The following MIPOL1 variants were observed in gnomAD, a reference collection of about 807,000 sequenced individuals.
MIPOL1 encodes mirror-image polydactyly 1.
A neutral mutation model predicts 60.9 loss-of-function variants in MIPOL1; 57 were observed. The observed-to-expected ratio is 0.94, with a 90% CI of 0.76 to 1.17. The LOEUF is 1.17. MIPOL1 is among the 50% of genes most tolerant of loss of function. The pLI, the probability that MIPOL1 is intolerant of heterozygous loss-of-function variation, is 0.00. For synonymous variants in MIPOL1, 179 were observed against 168.8 expected (o/e 1.06, Z -0.47); for missense variants, 551 against 511.6 (o/e 1.08, Z -0.74).
At chr14:37,236,239 T>G (rs1035354571) in intron 1 of MIPOL1, among the ~76,000 whole-genome samples, 2 of 152,024 alleles carry the variant, frequency 1.3e-5, no homozygotes, top group African/African-American at 4.8e-5. Context: ...AATTTTTTGA[T>G]AATAGTCATC....
chr14:37,230,920 G>T (rs753662650), intron 1 of MIPOL1, among the ~76,000 whole-genome samples: 5 of 151,774 alleles, frequency 3.3e-5, no homozygotes, highest in Non-Finnish European at 7.4e-5. Flanking sequence ...TGTAACTAGA[G>T]GCAAAATATA....
intron 11 of MIPOL1, among the ~76,000 whole-genome samples, chr14:37,485,588 G>T (rs987069994): frequency 6.6e-6 from 1 of 152,144 alleles, no homozygotes; most frequent in African/African-American, 2.4e-5. Context: ...GACCAGTGAT[G>T]ATGAGATTTT....
rs964168952 is a variant in MIPOL1 at position 37,298,426 on chromosome 14, G to A, written c.624-9630G>A. 3.3e-5 allele frequency among the ~76,000 whole-genome samples: 5 copies of A among 152,152 alleles called. No homozygotes were observed. In the East Asian group the frequency reaches 5.8e-4, roughly 18 times the overall value. On this transcript the variant is annotated intron_variant, in intron 7 of 12. Coordinates refer to ENST00000684589, the MANE Select transcript of MIPOL1 (RefSeq NM_001388067.1). ...CATGTTTAAAACACCAAAAGCAATG[G>A]CAACAAAAGCCAAAATTGACAAATG...
intron 1 of MIPOL1, among the ~76,000 whole-genome samples, chr14:37,206,138 T>C (rs1244590793): frequency 6.6e-6 from 1 of 152,134 alleles, no homozygotes. Context: ...GAGGTCTTCA[T>C]GGCAGCCCCT....
At chr14:37,498,368 G>C (rs943938579) in intron 11 of MIPOL1, among the ~76,000 whole-genome samples, 1 of 152,080 alleles carries the variant, frequency 6.6e-6, no homozygotes, top group Non-Finnish European at 1.5e-5. Context: ...ACATAAACAA[G>C]TACCTTTTTT....
At chr14:37,308,928 A>G (rs2087032562) in intron 9 of MIPOL1, among the ~76,000 whole-genome samples, 1 of 151,900 alleles carries the variant, frequency 6.6e-6, no homozygotes, top group Non-Finnish European at 1.5e-5. Flanking sequence ...ACCTTGATTA[A>G]TGGATCAAAA....
chr14:37,442,296 A>G (rs970564986), intron 11 of MIPOL1, among the ~76,000 whole-genome samples: 1 of 152,086 alleles, frequency 6.6e-6, no homozygotes, highest in East Asian at 1.9e-4. Flanking sequence ...TATTTTAGGT[A>G]TAAAATCATA....
At chr14:37,376,408 T>C (rs972572972) in intron 10 of MIPOL1, among the ~76,000 whole-genome samples, 5 of 152,192 alleles carry the variant, frequency 3.3e-5, no homozygotes, top group Admixed American at 2.6e-4. Flanking sequence ...GTTGGAATTA[T>C]AGAATATGTG....
intron 10 of MIPOL1, among the ~76,000 whole-genome samples, chr14:37,416,901 T>C (rs534321490): frequency 5.9e-5 from 9 of 152,318 alleles, no homozygotes; most frequent in African/African-American, 2.2e-4. Context: ...TGCTGAGCGA[T>C]CCAGCTAGTT....
chr14:37,463,013 C>A (rs2094557646), intron 11 of MIPOL1, among the ~76,000 whole-genome samples: 1 of 152,090 alleles, frequency 6.6e-6, no homozygotes, highest in South Asian at 2.1e-4. Flanking sequence ...CTACTGGTAC[C>A]AAATTACTGT....
intron 6 of MIPOL1, among the ~76,000 whole-genome samples, chr14:37,281,205 C>G (rs2084078707): frequency 1.3e-5 from 2 of 152,060 alleles, no homozygotes; most frequent in South Asian, 4.1e-4. Flanking sequence ...GAGATGATGC[C>G]TATTTTTATT....
chr14:37,275,928 CT>C (rs1276805106), intron 6 of MIPOL1, among the ~76,000 whole-genome samples: 1 of 151,120 alleles, frequency 6.6e-6, no homozygotes, highest in Non-Finnish European at 1.5e-5. Flanking sequence ...TGCTGTTTGA[CT>C]TTTGCAGACA....
intron 10 of MIPOL1, among the ~76,000 whole-genome samples, chr14:37,392,143 C>T (rs1474564266): frequency 1.3e-5 from 2 of 151,758 alleles, no homozygotes; most frequent in Non-Finnish European, 2.9e-5. Context: ...AAAAAAAATC[C>T]AGTTGGGCTT....
intron 6 of MIPOL1, among the ~76,000 whole-genome samples, chr14:37,282,238 A>ATTAT (rs2084167384): frequency 1.4e-5 from 2 of 146,396 alleles, no homozygotes; most frequent in Admixed American, 6.9e-5. Context: ...TATTGCAGTA[A>ATTAT]TATTATTATT....
At chr14:37,228,843 G>A (rs572963026) in intron 1 of MIPOL1, among the ~76,000 whole-genome samples, 1 of 152,290 alleles carries the variant, frequency 6.6e-6, no homozygotes, top group South Asian at 2.1e-4. Flanking sequence ...TGTAATCCCA[G>A]CACTTTGGGA....
chr14:37,253,824 A>T (rs909939401), intron 3 of MIPOL1, among the ~76,000 whole-genome samples: 2 of 151,698 alleles, frequency 1.3e-5, no homozygotes, highest in Non-Finnish European at 3.0e-5. Context: ...ATTTAGGATA[A>T]AATCTATTTT....
chr14:37,399,232 C>T (rs2093435263), intron 10 of MIPOL1, among the ~76,000 whole-genome samples: 1 of 152,082 alleles, frequency 6.6e-6, no homozygotes, highest in Non-Finnish European at 1.5e-5. Flanking sequence ...TTTCATGTGA[C>T]CCAAGGTAAC....
At chr14:37,378,884 C>A (rs538138033) in intron 10 of MIPOL1, among the ~76,000 whole-genome samples, 2 of 152,144 alleles carry the variant, frequency 1.3e-5, no homozygotes, top group East Asian at 3.9e-4. Context: ...ATTTAAAAAA[C>A]GGATCCTATT....
intron 6 of MIPOL1, 93 bp from the exon 7 acceptor site, chr14:37,285,225 A>C: frequency 7.5e-7 from 1 of 1,325,440 alleles, no homozygotes; most frequent in Non-Finnish European, 1.1e-6. Context: ...TAGTCCTTAC[A>C]GTAATAATTA....
Sources: allele counts gnomAD v4.1 joint callset (sites outside exome capture counted in the v4.1 genomes callset), GRCh38; gene constraint gnomAD v4.1.1; transcripts MANE v1.5; gene names NCBI Gene and HGNC (gene_info 2026-07-23, HGNC 2026-07-21).